Variants in NKX2-5 observed in about 807,000 individuals in gnomAD.
NKX2-5 encodes NK2 homeobox 5.
Under a neutral mutation model 24.5 loss-of-function variants are expected in NKX2-5, and 3 were observed. The observed-to-expected ratio is 0.12, with a 90% CI of 0.06 to 0.32. The LOEUF is 0.32. Ranked by LOEUF, NKX2-5 falls within the 10% of genes least tolerant of loss-of-function variation. NKX2-5 has a pLI of 1.00. For missense variants in NKX2-5, 429 were observed against 452.4 expected (o/e 0.95, Z 0.47); for synonymous variants, 215 against 217.6 (o/e 0.99, Z 0.11).
rs1761368580 is a variant in NKX2-5, at chr5:173,233,269, C to T, written c.335-60G>A. 4 of 1,567,596 alleles carry T rather than the reference C, an allele frequency of 2.6e-6. No individual in the cohort carries two copies. The East Asian group carries it at 7.0e-5, about 27-fold the overall frequency. On this transcript the variant is annotated intron_variant, in intron 1 of 1. Coordinates refer to ENST00000329198, the MANE Select transcript of NKX2-5 (RefSeq NM_004387.4). ...TAAGAGCGGCTTGACCTACGGAGCG[C>T]GGCCGCACAGTAATGGTAAGGGATC...
rs1405115548 is a variant in NKX2-5, at chr5:173,234,928, C to T, written c.156G>A (p.Lys52=). 6.2e-7 allele frequency: 1 copy of T among 1,611,010 alleles called. No individual in the cohort carries two copies. The highest frequency in any genetic ancestry group is 1.7e-4 in the Middle Eastern group (1 of 5,984). Reference sequence around the variant, plus strand: ...CCTCGGGCCCAGCGTAGGCCTCTGGCTTGAAGGCGGCCAGCATGCAGGAGG... The same window carrying T: ...CCTCGGGCCCAGCGTAGGCCTCTGGTTTGAAGGCGGCCAGCATGCAGGAGG... ...APSSCMLAAF[K]PEAYAGPEAA... Residue 52 remains lysine (K), a synonymous_variant, in exon 1 of 2, where the codon AAG becomes AAA. Transcript: ENST00000329198.
chr5:173,232,423 T>C lies in NKX2-5; in HGVS notation c.*146A>G. The C allele has an allele frequency of 7.0e-7, 1 of 1,427,724 alleles. No homozygotes were observed. The highest frequency in any genetic ancestry group is 2.5e-5 in the East Asian group (1 of 39,940). 88.4% of individuals were successfully genotyped at this position (1,427,724 alleles called of 1,614,324 possible). A position where few individuals can be genotyped will look rare whatever the true frequency, so the allele number is the denominator to read the frequency against. ...TCCCGTGCGCAAGAACAAACGCGCGTGGGACAGAAAAAGTTCCTAGGTCTC... is the reference window on the plus strand; with the variant it reads ...TCCCGTGCGCAAGAACAAACGCGCGCGGGACAGAAAAAGTTCCTAGGTCTC... On this transcript the variant is annotated 3_prime_UTR_variant, in exon 2 of 2. Coordinates refer to ENST00000329198, the MANE Select transcript of NKX2-5 (RefSeq NM_004387.4). This position sits in a 1 kb window ranked among gnomAD's most constrained non-coding sequence, Gnocchi z 5.9.
chr5:173,233,344 C>T (rs1761371175), intron 1 of NKX2-5, 135 bp from the exon 2 acceptor site: 14 of 1,536,890 alleles, frequency 9.1e-6, no homozygotes, highest in East Asian at 2.4e-5. Context: ...GGCTGCGGCT[C>T]ACTCTGCCAA....
chr5:173,233,524 T>TAA lies in NKX2-5; in HGVS notation c.335-317_335-316dup, dbSNP rs745694632. ...AGGCTGCAAAAAAAAAAAAAATAAA[T>TAA]AAAAAAATAAAAAAATAAAAATAAA... On this transcript the variant is annotated intron_variant, in intron 1 of 1. Transcript: ENST00000329198. The TAA allele has an allele frequency of 4.0e-3, 2,261 of 570,692 alleles. 52 individuals are homozygous for TAA. Among genetic ancestry groups the TAA allele is most frequent in the Middle Eastern group, 0.012 (24 of 1,968 alleles). 35.4% of individuals were successfully genotyped at this position (570,692 alleles called of 1,614,324 possible).
chr5:173,233,526 A>AAAAT (rs1761385196), intron 1 of NKX2-5: 5 of 885,622 alleles, frequency 5.6e-6, no homozygotes, highest in African/African-American at 1.7e-5. Context: ...AAAATAAATA[A>AAAAT]AAAAATAAAA....
intron 1 of NKX2-5, chr5:173,233,539 A>G: frequency 1.0e-6 from 1 of 954,778 alleles, no homozygotes; most frequent in South Asian, 1.6e-5. Context: ...AAATAAAAAA[A>G]TAAAAATAAA....
At chr5:173,233,988 T>C in intron 1 of NKX2-5, 1 of 1,248,198 alleles carries the variant, frequency 8.0e-7, no homozygotes, top group South Asian at 1.3e-5. Flanking sequence ...GGCCCCTTTC[T>C]GCAGCGGGGC....
At chr5:173,234,546 C>G (rs1761417137) in intron 1 of NKX2-5, among the ~76,000 whole-genome samples, 1 of 151,838 alleles carries the variant, frequency 6.6e-6, no homozygotes, top group Admixed American at 6.5e-5. Context: ...GCTTCTGATC[C>G]TTTCAATCCG....
Position 173,234,988 on chromosome 5 carries a change from C to A in NKX2-5, c.96G>T (p.Glu32Asp). ...GGGTCGCCTCCAGGCGGGCAGAGAGCTCTCCGGCGGCAGCCAGGCTGCGCT... is the reference window on the plus strand; with the variant it reads ...GGGTCGCCTCCAGGCGGGCAGAGAGATCTCCGGCGGCAGCCAGGCTGCGCT... ...QQQRSLAAAG[E>D]LSARLEATLA... Residue 32 changes from glutamate (E) to aspartate (D), a missense_variant, in exon 1 of 2, where the codon GAG becomes GAT. Coordinates refer to ENST00000329198, the MANE Select transcript of NKX2-5 (RefSeq NM_004387.4). The A allele has an allele frequency of 1.2e-6, 2 of 1,612,154 alleles. No homozygotes were observed. Among genetic ancestry groups the A allele is most frequent in the Non-Finnish European group, 1.7e-6 (2 of 1,179,598 alleles).
rs966644651 is a variant in NKX2-5 at position 173,234,288 on chromosome 5, C to T, written c.334+462G>A. The T allele has an allele frequency of 6.7e-6, 8 of 1,194,106 alleles. No homozygotes were observed. In the Admixed American group the frequency reaches 2.9e-4, roughly 43 times the overall value. The allele number at this position is 1,194,106 out of a possible 1,614,324, so 74.0% of individuals were successfully genotyped here. A position where few individuals can be genotyped will look rare whatever the true frequency, so the allele number is the denominator to read the frequency against. Reference sequence around the variant, plus strand: ...CGTGGGTGGGCTGCAGAAAGAAGGTCCAGGACCCTCCTCCGATTGTACGCA... The same window carrying T: ...CGTGGGTGGGCTGCAGAAAGAAGGTTCAGGACCCTCCTCCGATTGTACGCA... On this transcript the variant is annotated intron_variant, in intron 1 of 1. Coordinates refer to ENST00000329198, the MANE Select transcript of NKX2-5 (RefSeq NM_004387.4).
At position 173,233,100 on chromosome 5, in the gene NKX2-5, C is replaced by G; in HGVS notation, c.444G>C (p.Ala148=). The G allele has an allele frequency of 6.3e-7, 1 of 1,599,440 alleles. No individual in the cohort carries two copies. The highest frequency in any genetic ancestry group is 8.5e-7 in the Non-Finnish European group (1 of 1,173,772). Residue 148 remains alanine (A), a synonymous_variant, in exon 2 of 2, where the codon GCG becomes GCC. Coordinates refer to ENST00000329198, the MANE Select transcript of NKX2-5 (RefSeq NM_004387.4). ...AGCGCCGCTCCAGCTCATAGACCTG[C>G]GCCTGCGAGAAGAGCACGCGCGGCT... ...RRKPRVLFSQ[A]QVYELERRFK... is the part of the protein sequence containing the mutation.
chr5:173,235,192 GC>G lies in NKX2-5; in HGVS notation c.-110del. 1 of 1,133,656 alleles carries G rather than the reference GC, an allele frequency of 8.8e-7. No individual in the cohort carries two copies. Among genetic ancestry groups the G allele is most frequent in the Non-Finnish European group, 1.2e-6 (1 of 806,520 alleles). 70.2% of individuals were successfully genotyped at this position (1,133,656 alleles called of 1,614,324 possible). ...CCGCCGCCCGCCCGCGCACCCGTCGGCCAGCTCTGGATGTGTCCGGGCAGCA... is the reference window on the plus strand; with the variant it reads ...CCGCCGCCCGCCCGCGCACCCGTCGGCAGCTCTGGATGTGTCCGGGCAGCA... On this transcript the variant is annotated 5_prime_UTR_variant, in exon 1 of 2. Transcript: ENST00000329198.
Position 173,234,821 on chromosome 5 carries a change from G to A in NKX2-5, c.263C>T (p.Ala88Val). ...GGCACGTGGATAGAAGGCGGGGGCG[G>A]CGGGAAAGGCAGACGCACACTTGGC... ...SPAKCASAFPAAPAFYPRAYS... is the reference protein window; with the variant it reads ...SPAKCASAFPVAPAFYPRAYS... Residue 88 changes from alanine to valine, a missense_variant, in exon 1 of 2, where the codon GCC (alanine) becomes GTC (valine). Around this residue, in one of 3 missense-constraint regions of NKX2-5, gnomAD observed 240 missense variants for 240.4 expected, o/e 1.00. Coordinates refer to ENST00000329198, the MANE Select transcript of NKX2-5 (RefSeq NM_004387.4). The A allele has an allele frequency of 6.3e-7, 1 of 1,585,040 alleles. No homozygotes were observed. The highest frequency in any genetic ancestry group is 8.6e-7 in the Non-Finnish European group (1 of 1,167,524).
At position 173,233,143 on chromosome 5, in the gene NKX2-5, C is replaced by G. The variant is rs1182433334; in HGVS notation, c.401G>C (p.Arg134Pro). The G allele has an allele frequency of 6.2e-7, 1 of 1,602,348 alleles. No individual in the cohort carries two copies. Among genetic ancestry groups the G allele is most frequent in the African/African-American group, 1.3e-5 (1 of 74,916 alleles). ...GCGCGGCTTCCTCCGCCGTCGCGCC[C>G]GGGGCCGCTCCGCGTTGTCCGCCTC... Reference protein sequence around the residue: ...KTEADNAERPRARRRRKPRVL... With the variant: ...KTEADNAERPPARRRRKPRVL... The change falls in exon 2 of 2, where the codon CGG becomes CCG. Residue 134 changes from arginine (R) to proline (P), a missense_variant. By Grantham distance (103) the Arg-to-Pro change is moderately radical. This residue lies in a region of NKX2-5 where 240 missense variants were observed against 240.4 expected (regional missense o/e 1.00). Coordinates refer to ENST00000329198, the MANE Select transcript of NKX2-5 (RefSeq NM_004387.4).
chr5:173,232,620 A>C lies in NKX2-5; in HGVS notation c.924T>G (p.Ile308Met), dbSNP rs1761341482. 6.2e-7 allele frequency: 1 copy of C among 1,613,340 alleles called. No individual in the cohort carries two copies. The highest frequency in any genetic ancestry group is 1.3e-5 in the African/African-American group (1 of 74,934). Residue 308 changes from isoleucine (I) to methionine (M), a missense_variant, in exon 2 of 2, where the codon ATT becomes ATG. By Grantham distance (10) the Ile-to-Met change is conservative. Coordinates refer to ENST00000329198, the MANE Select transcript of NKX2-5 (RefSeq NM_004387.4). The surrounding 1 kb of genome is among the most constrained non-coding windows in gnomAD (Gnocchi z 5.9). ...TGGACACTCCCGAGTTGCTCTGCGG[A>C]ATCCCGGGGCTCTGAACCGCATTCA... is the stretch of plus-strand genomic sequence containing the variant. ...GDLNAVQSPG[I>M]PQSNSGVSTL...
intron 1 of NKX2-5, 93 bp downstream of exon 1, chr5:173,234,657 C>A: frequency 2.6e-6 from 3 of 1,175,162 alleles, no homozygotes; most frequent in Non-Finnish European, 1.2e-6. Context: ...CAGCCCTCGG[C>A]CCAAGGGCGC....
intron 1 of NKX2-5, chr5:173,233,467 G>T (rs1761376579): frequency 1.4e-6 from 2 of 1,413,012 alleles, no homozygotes; most frequent in East Asian, 2.5e-5. Context: ...TTCACACCCT[G>T]GTGAGGGAGA....
rs781707428 is a variant in NKX2-5 at position 173,232,903 on chromosome 5, G to A, written c.641C>T (p.Pro214Leu). 3.8e-6 allele frequency: 6 copies of A among 1,593,078 alleles called. No individual in the cohort carries two copies. The Admixed American group carries it at 1.0e-4, about 28-fold the overall frequency. Residue 214 changes from proline (P) to leucine (L), a missense_variant, in exon 2 of 2, where the codon CCT becomes CTT. By Grantham distance (98) the Pro-to-Leu change is moderately conservative. Around this residue, in one of 3 missense-constraint regions of NKX2-5, gnomAD observed 183 missense variants for 185.9 expected, o/e 0.98. Transcript: ENST00000329198. This position sits in a 1 kb window ranked among gnomAD's most constrained non-coding sequence, Gnocchi z 5.9. Reference protein sequence around the residue: ...LVGLPPPPPPPARRIAVPVLV... With the variant: ...LVGLPPPPPPLARRIAVPVLV... ...CACTGGCACCGCGATCCTGCGGGCA[G>A]GCGGCGGCGGCGGCGGGGGCAGCCC...
chr5:173,233,205 C>T lies in NKX2-5; in HGVS notation c.339G>A (p.Leu113=). Reference sequence around the variant, plus strand: ...GCTCCACCGCCTTCTGCAGCGCGCACAGCTCTGAGGGGGAACAGAGAGGCA... The same window carrying T: ...GCTCCACCGCCTTCTGCAGCGCGCATAGCTCTGAGGGGGAACAGAGAGGCA... ...AKDPRAEKKE[L]CALQKAVELE... The change falls in exon 2 of 2, where the codon CTG becomes CTA. Residue 113 remains leucine, a synonymous_variant. Transcript: ENST00000329198. 6.3e-7 allele frequency: 1 copy of T among 1,599,894 alleles called. No individual in the cohort carries two copies. The highest frequency in any genetic ancestry group is 1.1e-5 in the South Asian group (1 of 90,424).
Sources: allele counts gnomAD v4.1 joint callset (sites outside exome capture counted in the v4.1 genomes callset), GRCh38; gene constraint gnomAD v4.1.1; regional missense constraint gnomAD v4.1.1; non-coding constraint Gnocchi (gnomAD v3.1); transcripts MANE v1.5; gene names NCBI Gene and HGNC (gene_info 2026-07-23, HGNC 2026-07-21).